Variants in PDE1A observed in about 807,000 individuals in gnomAD.
PDE1A encodes dual specificity calcium/calmodulin-dependent 3',5'-cyclic nucleotide phosphodiesterase 1A.
A neutral mutation model predicts 61.7 loss-of-function variants in PDE1A; 35 were observed. The ratio of observed to expected loss-of-function variants is 0.57; its 90% CI spans 0.43 to 0.75. The LOEUF (loss-of-function observed/expected upper bound fraction) is 0.75, where lower values mean the gene tolerates loss of function less well. Among genes scored for constraint, PDE1A ranks in the 30% least tolerant of loss-of-function variants. The pLI is 0.00. For missense variants in PDE1A, 597 were observed against 630.6 expected (o/e 0.95, Z 0.57); for synonymous variants, 232 against 213.2 (o/e 1.09, Z -0.77).
At chr2:182,474,222 G>A (rs895788623) in intron 2 of PDE1A, among the ~76,000 whole-genome samples, 1 of 151,886 alleles carries the variant, frequency 6.6e-6, no homozygotes, top group Non-Finnish European at 1.5e-5. Flanking sequence ...CTTGGGTCTA[G>A]GTATTTTACT....
At chr2:182,170,130 A>G (rs1047620130) in intron 13 of PDE1A, among the ~76,000 whole-genome samples, 4 of 152,062 alleles carry the variant, frequency 2.6e-5, no homozygotes, top group African/African-American at 9.7e-5. Flanking sequence ...TAACTTCTAG[A>G]ACATGATACA....
chr2:182,664,607 G>T, the PDE1A span, among the ~76,000 whole-genome samples: 2 of 152,198 alleles, frequency 1.3e-5, no homozygotes, highest in African/African-American at 4.8e-5. Flanking sequence ...CAGAATAGTG[G>T]TTCCTTTGGT....
At chr2:182,475,644 T>C (rs1687308592) in intron 2 of PDE1A, among the ~76,000 whole-genome samples, 1 of 151,972 alleles carries the variant, frequency 6.6e-6, no homozygotes, top group Non-Finnish European at 1.5e-5. Flanking sequence ...CATTCTTTCT[T>C]CCAACATTAA....
At chr2:182,579,746 C>A in the PDE1A span, among the ~76,000 whole-genome samples, 3 of 151,872 alleles carry the variant, frequency 2.0e-5, no homozygotes, top group African/African-American at 7.2e-5. Flanking sequence ...GAGAAATGAG[C>A]ATTTTAAATC....
chr2:182,686,383 T>G, the PDE1A span, among the ~76,000 whole-genome samples: 2 of 152,360 alleles, frequency 1.3e-5, no homozygotes, highest in South Asian at 4.1e-4. Flanking sequence ...ATATTTTATT[T>G]AGATATGTAT....
rs141617524 is a variant in PDE1A, at chr2:182,208,513, A to C, written c.777-2448T>G. Among the ~76,000 whole-genome samples the C allele has an allele frequency of 8.6e-3, 1,305 of 152,254 alleles. 15 individuals carry two copies. Among genetic ancestry groups the C allele is most frequent in the South Asian group, 0.051 (247 of 4,816 alleles). On this transcript the variant is annotated intron_variant, in intron 7 of 13. Transcript: ENST00000351439. Reference sequence around the variant, plus strand: ...CATGGGGATTACAATCTGAGATGAGATTTGGTGGGGACACGGAGCCAAACC... The same window carrying C: ...CATGGGGATTACAATCTGAGATGAGCTTTGGTGGGGACACGGAGCCAAACC...
intron 1 of PDE1A, among the ~76,000 whole-genome samples, chr2:182,302,304 A>G (rs1334288798): frequency 6.6e-6 from 1 of 152,220 alleles, no homozygotes; most frequent in African/African-American, 2.4e-5. Flanking sequence ...GAAACCCTCA[A>G]TTATCGGCAT....
chr2:182,180,318 G>T (rs957944330), intron 13 of PDE1A, among the ~76,000 whole-genome samples: 5 of 152,004 alleles, frequency 3.3e-5, no homozygotes, highest in African/African-American at 7.2e-5. Context: ...CCCAATCTAG[G>T]AAGTAAAATT....
the PDE1A span, among the ~76,000 whole-genome samples, chr2:182,529,309 T>C: frequency 1.3e-5 from 2 of 152,156 alleles, no homozygotes; most frequent in African/African-American, 4.8e-5. Context: ...AGCTTTAAGA[T>C]TTGACTGTCC....
At chr2:182,659,693 T>G in the PDE1A span, among the ~76,000 whole-genome samples, 1 of 152,236 alleles carries the variant, frequency 6.6e-6, no homozygotes, top group Non-Finnish European at 1.5e-5. Flanking sequence ...CTGCATAATT[T>G]GAGGAATCAC....
At chr2:182,352,775 A>G (rs1698962084) in intron 1 of PDE1A, among the ~76,000 whole-genome samples, 1 of 152,194 alleles carries the variant, frequency 6.6e-6, no homozygotes, top group Non-Finnish European at 1.5e-5. Flanking sequence ...TTCATTTTAG[A>G]TAAGATTTTG....
intron 1 of PDE1A, among the ~76,000 whole-genome samples, chr2:182,347,349 G>A (rs1221994837): frequency 6.6e-6 from 1 of 152,060 alleles, no homozygotes; most frequent in East Asian, 1.9e-4. Context: ...ATTTAAAGGG[G>A]TAAACTCAGA....
the PDE1A span, among the ~76,000 whole-genome samples, chr2:182,609,092 C>G: frequency 6.6e-6 from 1 of 152,168 alleles, no homozygotes; most frequent in Non-Finnish European, 1.5e-5. Flanking sequence ...AGCACTCTAT[C>G]TAGCTCAAGG....
intron 1 of PDE1A, among the ~76,000 whole-genome samples, chr2:182,378,014 T>G (rs113987658): frequency 3.2e-4 from 48 of 152,054 alleles, no homozygotes; most frequent in African/African-American, 1.2e-3. Context: ...GCCCGGCTAA[T>G]TTTTTGTATT....
chr2:182,318,034 C>A lies in PDE1A; in HGVS notation c.54-53620G>T, dbSNP rs575387226. 3.5e-4 allele frequency among the ~76,000 whole-genome samples: 53 copies of A among 152,200 alleles called. 1 individual carries two copies. The highest frequency in any genetic ancestry group is 1.3e-3 in the African/African-American group (52 of 41,528). On this transcript the variant is annotated intron_variant, in intron 1 of 13. Coordinates refer to ENST00000351439, the Ensembl canonical transcript of PDE1A. ...AGTATAAGTCAGGTGCCCCAGCATACAACAAGCCAGGCTGATATTCAAATA... is the reference window on the plus strand; with the variant it reads ...AGTATAAGTCAGGTGCCCCAGCATAAAACAAGCCAGGCTGATATTCAAATA...
chr2:182,257,319 T>C (rs1691892180), intron 2 of PDE1A, among the ~76,000 whole-genome samples: 1 of 152,200 alleles, frequency 6.6e-6, no homozygotes, highest in African/African-American at 2.4e-5. Flanking sequence ...TTTTAAACCT[T>C]AATAGTTGAA....
chr2:182,513,473 T>C (rs1689939140), intron 2 of PDE1A, among the ~76,000 whole-genome samples: 1 of 152,188 alleles, frequency 6.6e-6, no homozygotes, highest in Non-Finnish European at 1.5e-5. Flanking sequence ...AACAAAAAAC[T>C]GTTACCAGCC....
chr2:182,391,661 T>C (rs1013876409), intron 1 of PDE1A, among the ~76,000 whole-genome samples: 2 of 152,060 alleles, frequency 1.3e-5, no homozygotes, highest in Non-Finnish European at 2.9e-5. Context: ...TTAAACACAA[T>C]GGGAATAATT....
Position 182,510,877 on chromosome 2 carries a change from G to A in PDE1A, c.101+11399C>T, listed in dbSNP as rs1256291979. On this transcript the variant is annotated intron_variant, in intron 2 of 14. Transcript: ENST00000410103. ...AATCCTTATGTATAATGATTCTGGT[G>A]AAGAGAAACCTGGGGAGTGAGAATA... is the stretch of plus-strand genomic sequence containing the variant. Among the ~76,000 whole-genome samples the A allele has an allele frequency of 2.0e-5, 3 of 152,132 alleles. No individual in the cohort carries two copies. The East Asian group carries it at 5.8e-4, about 29-fold the overall frequency.
Sources: allele counts gnomAD v4.1 joint callset (sites outside exome capture counted in the v4.1 genomes callset), GRCh38; gene constraint gnomAD v4.1.1; transcripts MANE v1.5; gene names NCBI Gene and HGNC (gene_info 2026-07-23, HGNC 2026-07-21).